EIF4G3: variants seen among roughly 807,000 people sequenced by gnomAD.
The protein encoded by EIF4G3 is eIF-4-gamma 3.
A neutral mutation model predicts 186.4 loss-of-function variants in EIF4G3; 34 were observed. That is an observed-to-expected ratio of 0.18 (90% CI 0.14 to 0.24). The LOEUF (loss-of-function observed/expected upper bound fraction) is 0.24. EIF4G3 is among the 10% of genes least tolerant of loss of function. EIF4G3 has a pLI of 1.00. For synonymous variants in EIF4G3, 673 were observed against 679.5 expected, an observed-to-expected ratio of 0.99 and a Z score of 0.15; for missense variants, 1,536 against 1,948.5, an observed-to-expected ratio of 0.79 and a Z score of 3.99.
chr1:21,068,342 T>A lies in EIF4G3; in HGVS notation c.-195-17348A>T, dbSNP rs150674912. On this transcript the variant is annotated intron_variant, in intron 3 of 36. Coordinates refer to ENST00000602326, the MANE Select transcript of EIF4G3 (RefSeq NM_001391906.1). ...CGAGATCGTACCACTGCACCTGCAC[T>A]CCAGTCTGGGCGACAGAGTGAAACT... 4.0e-4 allele frequency among the ~76,000 whole-genome samples: 49 copies of A among 122,950 alleles called. 1 individual carries two copies. In the East Asian group the frequency reaches 0.012, roughly 30 times the overall value. 80.7% of individuals were successfully genotyped at this position (122,950 alleles called of 152,430 possible). A position where few individuals can be genotyped will look rare whatever the true frequency, so the allele number is the denominator to read the frequency against.
intron 4 of EIF4G3, among the ~76,000 whole-genome samples, chr1:21,035,587 G>A (rs1365565521): frequency 1.3e-5 from 2 of 152,382 alleles, no homozygotes; most frequent in East Asian, 3.9e-4. Flanking sequence ...GCTCAGGGCA[G>A]CACTGACCCG....
chr1:20,817,775 A>G (rs1342419328), intron 33 of EIF4G3, among the ~76,000 whole-genome samples: 1 of 149,976 alleles, frequency 6.7e-6, no homozygotes, highest in Non-Finnish European at 1.5e-5. Context: ...CACGGGCTCA[A>G]GCAATCCTCC....
intron 2 of EIF4G3, among the ~76,000 whole-genome samples, chr1:21,100,825 G>A (rs2096499781): frequency 6.6e-6 from 1 of 152,144 alleles, no homozygotes; most frequent in South Asian, 2.1e-4. Flanking sequence ...AAACAGCTGG[G>A]CTTGGGCGGC....
intron 4 of EIF4G3, among the ~76,000 whole-genome samples, chr1:21,048,019 C>A (rs556270762): frequency 4.5e-4 from 68 of 152,266 alleles, no homozygotes; most frequent in South Asian, 2.9e-3. Context: ...GCAAAACAGA[C>A]CACAAAAGAA....
intron 14 of EIF4G3, among the ~76,000 whole-genome samples, chr1:20,938,971 G>C (rs369992573): frequency 6.6e-6 from 1 of 151,994 alleles, no homozygotes; most frequent in African/African-American, 2.4e-5. Context: ...GCCAGGCGTG[G>C]TGGCACACGC....
intron 4 of EIF4G3, among the ~76,000 whole-genome samples, chr1:21,017,445 G>A (rs752915978): frequency 2.6e-5 from 4 of 151,830 alleles, no homozygotes; most frequent in Non-Finnish European, 5.9e-5. Context: ...TGGCCAACAT[G>A]GCAAAACTCC....
chr1:21,138,444 T>C (rs1229259042), intron 2 of EIF4G3, among the ~76,000 whole-genome samples: 1 of 152,162 alleles, frequency 6.6e-6, no homozygotes, highest in Non-Finnish European at 1.5e-5. Flanking sequence ...TAAGCCCTCC[T>C]TCCCCAAACC....
chr1:21,136,478 T>C lies in EIF4G3; in HGVS notation c.-272+39697A>G, dbSNP rs7533292. Among the ~76,000 whole-genome samples, 300 of 150,894 alleles carry C rather than the reference T, an allele frequency of 2.0e-3. 1 individual carries two copies. The highest frequency in any genetic ancestry group is 7.1e-3 in the African/African-American group (292 of 41,010). On this transcript the variant is annotated intron_variant, in intron 2 of 36. Coordinates refer to ENST00000602326, the MANE Select transcript of EIF4G3 (RefSeq NM_001391906.1). ...GTTGCAGTGAGCCGAGATCGCACCA[T>C]TGCACTCCAGCCTGGGTGGCAGAGC...
At chr1:21,003,820 T>G in intron 4 of EIF4G3, 1 of 385,358 alleles carries the variant, frequency 2.6e-6, no homozygotes, top group Non-Finnish European at 5.0e-6. Context: ...TTATCATGCC[T>G]CATCATCATG....
chr1:21,055,199 A>G (rs2094504731), intron 3 of EIF4G3, among the ~76,000 whole-genome samples: 1 of 152,176 alleles, frequency 6.6e-6, no homozygotes. Context: ...ATTATTTCCC[A>G]TGTTTTAGAA....
intron 29 of EIF4G3, chr1:20,847,810 A>C (rs1384725385): frequency 4.2e-6 from 2 of 471,730 alleles, no homozygotes; most frequent in African/African-American, 2.0e-5. Flanking sequence ...ACTCACCTCC[A>C]CCTCACTCAT....
intron 20 of EIF4G3, among the ~76,000 whole-genome samples, chr1:20,869,284 CT>C (rs1172917582): frequency 1.4e-5 from 2 of 145,012 alleles, no homozygotes; most frequent in Non-Finnish European, 3.0e-5. Context: ...ACTCTGGTTT[CT>C]AGAGGATAGT....
At position 20,807,519 on chromosome 1, in the gene EIF4G3, A is replaced by G. The variant is rs752185462; in HGVS notation, c.4745-19T>C. On this transcript the variant is annotated intron_variant, in intron 36 of 36. Transcript: ENST00000602326. ...AGCAAATCTGCAAGGAGGTGAAAAT[A>G]AACTATAAGCTTTGGGACACTGTAG... The G allele has an allele frequency of 6.4e-7, 1 of 1,572,834 alleles. No homozygotes were observed. Among genetic ancestry groups the G allele is most frequent in the Admixed American group, 1.8e-5 (1 of 56,864 alleles).
chr1:21,096,391 G>A (rs1292184284), intron 2 of EIF4G3, among the ~76,000 whole-genome samples: 1 of 152,178 alleles, frequency 6.6e-6, no homozygotes, highest in East Asian at 1.9e-4. Context: ...ACAAGGAGTA[G>A]GGGGATGATG....
chr1:20,925,421 G>T (rs1019746162), intron 14 of EIF4G3, among the ~76,000 whole-genome samples: 17 of 152,170 alleles, frequency 1.1e-4, no homozygotes. Flanking sequence ...ATAAATACCT[G>T]TTGAATGAAT....
At chr1:21,123,557 T>A in intron 2 of EIF4G3, among the ~76,000 whole-genome samples, 1 of 139,302 alleles carries the variant, frequency 7.2e-6, no homozygotes. Context: ...ACAGCAAGAC[T>A]GTCTCAAAAA....
At chr1:21,002,584 CATA>C in intron 5 of EIF4G3, 126 bp downstream of exon 5, 3 of 901,102 alleles carry the variant, frequency 3.3e-6, no homozygotes, top group East Asian at 2.6e-5. Flanking sequence ...TAGTAGGAGT[CATA>C]ATAATAAATC....
At chr1:21,051,337 G>C (rs2094201708) in intron 3 of EIF4G3, among the ~76,000 whole-genome samples, 2 of 152,132 alleles carry the variant, frequency 1.3e-5, no homozygotes, top group Admixed American at 1.3e-4. Flanking sequence ...ATAAATGGTT[G>C]AAAGAGGAAG....
chr1:20,849,547 C>G lies in EIF4G3; in HGVS notation c.3773-17G>C. On this transcript the variant is annotated splice_polypyrimidine_tract_variant and intron_variant, in intron 28 of 36. Transcript: ENST00000602326. Reference sequence around the variant, plus strand: ...CTGGTTTTGCTATTAGTGAGGCCCCCCAAAAAAAGTAAAAATAATAAAAAT... The same window carrying G: ...CTGGTTTTGCTATTAGTGAGGCCCCGCAAAAAAAGTAAAAATAATAAAAAT... 2 of 1,280,514 alleles carry G rather than the reference C, an allele frequency of 1.6e-6. No individual in the cohort carries two copies. The highest frequency in any genetic ancestry group is 1.5e-5 in the South Asian group (1 of 64,900). 79.3% of individuals were successfully genotyped at this position (1,280,514 alleles called of 1,614,324 possible). A position where few individuals can be genotyped will look rare whatever the true frequency, so the allele number is the denominator to read the frequency against.
Sources: gnomAD v4.1 joint callset for allele counts (sites outside exome capture counted in the v4.1 genomes callset) on GRCh38, gnomAD v4.1.1 for gene constraint, MANE v1.5 for transcripts, NCBI Gene and HGNC (gene_info 2026-07-23, HGNC 2026-07-21) for gene names.